The following PCDH11X variants were observed in gnomAD, a reference collection of about 807,000 sequenced individuals.
PCDH11X encodes protocadherin-11 X-linked.
In PCDH11X, 18 loss-of-function variants were observed where a neutral mutation model predicts 53.3. That is an observed-to-expected ratio of 0.34 (90% CI 0.23 to 0.50). The LOEUF (loss-of-function observed/expected upper bound fraction) is 0.50. Among genes scored for constraint, PCDH11X ranks in the 20% least tolerant of loss-of-function variants. The pLI, the probability that PCDH11X is intolerant of heterozygous loss-of-function variation, is 0.98. For missense variants in PCDH11X, 570 were observed against 1,032.4 expected (o/e 0.55, Z 6.14); for synonymous variants, 279 against 393.3 (o/e 0.71, Z 3.44).
intron 5 of PCDH11X, among the ~76,000 whole-genome samples, chrX:91,872,662 G>A (rs1324395465): frequency 3.8e-5 from 4 of 105,372 alleles, no homozygotes; most frequent in Non-Finnish European, 7.9e-5. Context: ...GGAATTCAGG[G>A]TAGTGCAGGT....
At chrX:92,170,726 C>T (rs1451590915) in intron 6 of PCDH11X, among the ~76,000 whole-genome samples, 1 of 107,849 alleles carries the variant, frequency 9.3e-6, no homozygotes, top group Admixed American at 1.0e-4. Flanking sequence ...GCCTTCTGAG[C>T]AGCTAGGACT....
intron 6 of PCDH11X, among the ~76,000 whole-genome samples, chrX:92,122,701 C>T (rs1213962472): frequency 1.8e-5 from 2 of 111,211 alleles, no homozygotes; most frequent in Non-Finnish European, 3.8e-5. Context: ...CTTTGGTAGG[C>T]CGAGGCGAGT....
chrX:92,463,120 G>C (rs1013501553), intron 9 of PCDH11X, among the ~76,000 whole-genome samples: 7 of 108,294 alleles, frequency 6.5e-5, no homozygotes, highest in African/African-American at 2.4e-4. Context: ...TTTTGAGGTG[G>C]AAATTTTTGC....
rs189330081 is a variant in PCDH11X at position 92,420,398 on chromosome X, T to C, written c.3343+32465T>C. ...TTTTTATTAGTTACAACAATGAAATTGAATATTTAATTTTTTCTCTTAAGA... is the reference window on the plus strand; with the variant it reads ...TTTTTATTAGTTACAACAATGAAATCGAATATTTAATTTTTTCTCTTAAGA... On this transcript the variant is annotated intron_variant, in intron 9 of 10. Transcript: ENST00000682573. 1.2e-3 allele frequency: 228 copies of C among 188,120 alleles called. 3 individuals are homozygous for C. The East Asian group carries it at 0.028, about 23-fold the overall frequency. 15.5% of individuals were successfully genotyped at this position (188,120 alleles called of 1,213,427 possible).
chrX:91,887,027 AT>A (rs1315529056), intron 6 of PCDH11X, among the ~76,000 whole-genome samples: 2 of 106,563 alleles, frequency 1.9e-5, no homozygotes, highest in African/African-American at 3.5e-5. Flanking sequence ...CTTTAGAATA[AT>A]TTTTAGAAGT....
chrX:92,245,684 T>A (rs2067336590), intron 7 of PCDH11X, among the ~76,000 whole-genome samples: 1 of 111,835 alleles, frequency 8.9e-6, no homozygotes, highest in Admixed American at 9.5e-5. Context: ...AAGCTGTAGA[T>A]TTCCCAGCTT....
chrX:92,108,442 A>G (rs56211512), intron 6 of PCDH11X, among the ~76,000 whole-genome samples: 7,039 of 111,854 alleles, frequency 0.063, 558 homozygotes, highest in African/African-American at 0.22. Flanking sequence ...AGGCTTAGAA[A>G]AATATAAAAC....
At chrX:92,375,405 C>T (rs1387844008) in intron 8 of PCDH11X, among the ~76,000 whole-genome samples, 2 of 99,646 alleles carry the variant, frequency 2.0e-5, no homozygotes, top group Non-Finnish European at 4.0e-5. Context: ...GTCTTGATCT[C>T]CTGACCTCAT....
chrX:91,963,614 T>C (rs766089565), intron 6 of PCDH11X, among the ~76,000 whole-genome samples: 92 of 111,617 alleles, frequency 8.2e-4, no homozygotes, highest in African/African-American at 2.9e-3. Flanking sequence ...AGCCTCTGCC[T>C]GTTACCCATT....
chrX:91,904,190 C>A (rs1440036670), intron 6 of PCDH11X, among the ~76,000 whole-genome samples: 1 of 110,810 alleles, frequency 9.0e-6, no homozygotes, highest in Non-Finnish European at 1.9e-5. Context: ...TATGTTAGTG[C>A]AAAGGTAATT....
chrX:92,445,094 C>T (rs2072606005), intron 9 of PCDH11X, among the ~76,000 whole-genome samples: 1 of 99,307 alleles, frequency 1.0e-5, no homozygotes, highest in South Asian at 5.0e-4. Flanking sequence ...CAGAGGAGCT[C>T]TTTCTCCTTG....
chrX:91,781,219 A>C (rs765607817), intron 1 of PCDH11X, among the ~76,000 whole-genome samples: 48 of 112,144 alleles, frequency 4.3e-4, no homozygotes, highest in African/African-American at 1.5e-3. Flanking sequence ...TTGTGTGGAA[A>C]CATCACAAAA....
At chrX:92,248,954 T>C (rs1330906269) in intron 7 of PCDH11X, among the ~76,000 whole-genome samples, 2 of 111,561 alleles carry the variant, frequency 1.8e-5, no homozygotes, top group Admixed American at 9.6e-5. Flanking sequence ...TCCACCAGCC[T>C]TGGCCTCCCA....
intron 6 of PCDH11X, among the ~76,000 whole-genome samples, chrX:92,158,658 A>G (rs1368246208): frequency 9.0e-6 from 1 of 111,536 alleles, no homozygotes; most frequent in African/African-American, 3.3e-5. Flanking sequence ...TATTTTTGAA[A>G]CAGAGTCTAG....
In PCDH11X at chrX:92,411,532, G is replaced by C. The variant is rs917187059; in HGVS notation, c.3343+23599G>C. Among the ~76,000 whole-genome samples the C allele has an allele frequency of 2.8e-5, 3 of 108,011 alleles. No individual in the cohort carries two copies. The Admixed American group carries it at 3.0e-4, about 11-fold the overall frequency. The allele number at this position is 108,011 out of a possible 115,157, so 93.8% of individuals were successfully genotyped here. The stretch of plus-strand genomic sequence containing the variant: ...TTATGAGTGAGAACATGCAGTATTT[G>C]GTTTTCCGTTCCTGTTTGCTGAGGA... On this transcript the variant is annotated intron_variant, in intron 9 of 10. Coordinates refer to ENST00000682573, the MANE Select transcript of PCDH11X (RefSeq NM_032968.5).
intron 8 of PCDH11X, among the ~76,000 whole-genome samples, chrX:92,291,853 TAA>T (rs2068499449): frequency 2.4e-5 from 2 of 84,700 alleles, no homozygotes; most frequent in South Asian, 1.4e-3. Flanking sequence ...TATGAAAATG[TAA>T]AGACTCTGTC....
chrX:92,237,209 ATTTAT>A (rs2067187648), intron 7 of PCDH11X, among the ~76,000 whole-genome samples: 1 of 110,784 alleles, frequency 9.0e-6, no homozygotes, highest in Admixed American at 9.7e-5. Flanking sequence ...ATCCTTTACT[ATTTAT>A]TTTAAATTTA....
intron 8 of PCDH11X, among the ~76,000 whole-genome samples, chrX:92,383,023 C>T (rs1013930588): frequency 9.1e-6 from 1 of 110,006 alleles, no homozygotes; most frequent in African/African-American, 3.3e-5. Flanking sequence ...GAAGTTCAAG[C>T]AAAACATTAT....
intron 10 of PCDH11X, among the ~76,000 whole-genome samples, chrX:92,475,038 G>A (rs1399507288): frequency 1.4e-4 from 14 of 101,838 alleles, no homozygotes; most frequent in East Asian, 3.2e-4. Flanking sequence ...AGTGGCGGGC[G>A]CCTGTAGTCC....
Sources: allele counts gnomAD v4.1 joint callset (sites outside exome capture counted in the v4.1 genomes callset), GRCh38; gene constraint gnomAD v4.1.1; transcripts MANE v1.5; gene names NCBI Gene and HGNC (gene_info 2026-07-23, HGNC 2026-07-21).